The following PCDHGA9 variants were observed in gnomAD, a reference collection of about 807,000 sequenced individuals.
The protein encoded by PCDHGA9 is protocadherin gamma-A9.
In PCDHGA9, 37 loss-of-function variants were observed where a neutral mutation model predicts 62.5. The ratio of observed to expected loss-of-function variants is 0.59; its 90% CI spans 0.46 to 0.78. The LOEUF (loss-of-function observed/expected upper bound fraction) is 0.78, where lower values mean the gene tolerates loss of function less well. Among genes scored for constraint, PCDHGA9 ranks in the 30% least tolerant of loss-of-function variants. PCDHGA9 has a pLI of 0.00. For synonymous variants in PCDHGA9, 459 were observed against 484.6 expected, an observed-to-expected ratio of 0.95 and a Z score of 0.69; for missense variants, 1,138 against 1,166.2, an observed-to-expected ratio of 0.98 and a Z score of 0.35.
chr5:141,487,748 T>A lies in PCDHGA9; in HGVS notation c.2425-7059T>A, dbSNP rs1458153935. ...TGTCACCATTTTTGTAAGAGGTAACTATGTGGTAGACGCTGTGCTTTGTAA... is the reference window on the plus strand; with the variant it reads ...TGTCACCATTTTTGTAAGAGGTAACAATGTGGTAGACGCTGTGCTTTGTAA... On this transcript the variant is annotated intron_variant, in intron 1 of 3. Transcript: ENST00000573521. This position sits in a 1 kb window ranked among gnomAD's most constrained non-coding sequence, Gnocchi z 5.0. 6.4e-7 allele frequency: 1 copy of A among 1,557,554 alleles called. No homozygotes were observed. The highest frequency in any genetic ancestry group is 1.2e-5 in the South Asian group (1 of 84,814).
Position 141,476,489 on chromosome 5 carries a change from A to G in PCDHGA9, c.2425-18318A>G. ...GGAGCTGTTCAGCGTGGAAGTGGTGATCCAGGACATCAACGACAACAATCC... is the reference window on the plus strand; with the variant it reads ...GGAGCTGTTCAGCGTGGAAGTGGTGGTCCAGGACATCAACGACAACAATCC... On this transcript the variant is annotated intron_variant, in intron 1 of 3. Coordinates refer to ENST00000573521, the MANE Select transcript of PCDHGA9 (RefSeq NM_018921.3). The surrounding 1 kb of genome is among the most constrained non-coding windows in gnomAD (Gnocchi z 7.6). The G allele has an allele frequency of 6.2e-7, 1 of 1,613,928 alleles. No individual in the cohort carries two copies. Among genetic ancestry groups the G allele is most frequent in the Non-Finnish European group, 8.5e-7 (1 of 1,179,976 alleles).
intron 1 of PCDHGA9, chr5:141,409,609 C>T: frequency 1.2e-6 from 2 of 1,613,938 alleles, no homozygotes; most frequent in Non-Finnish European, 1.7e-6. Flanking sequence ...CGCCAGGAGC[C>T]TCCATTGCGC....
chr5:141,476,754 T>G lies in PCDHGA9; in HGVS notation c.2425-18053T>G. 1 of 1,613,926 alleles carries G rather than the reference T, an allele frequency of 6.2e-7. No individual in the cohort carries two copies. The highest frequency in any genetic ancestry group is 1.1e-5 in the South Asian group (1 of 91,084). On this transcript the variant is annotated intron_variant, in intron 1 of 3. Coordinates refer to ENST00000573521, the MANE Select transcript of PCDHGA9 (RefSeq NM_018921.3). The surrounding 1 kb of genome is among the most constrained non-coding windows in gnomAD (Gnocchi z 7.6). Reference sequence around the variant, plus strand: ...GAACGGGAGCCTAGTCTCCAGTTAGTGCTGACGGCGTTGGACGGAGGGACC... The same window carrying G: ...GAACGGGAGCCTAGTCTCCAGTTAGGGCTGACGGCGTTGGACGGAGGGACC...
chr5:141,444,695 CCT>C (rs2154560766), intron 1 of PCDHGA9, among the ~76,000 whole-genome samples: 1 of 152,134 alleles, frequency 6.6e-6, no homozygotes, highest in South Asian at 2.1e-4. Flanking sequence ...AAAATATTTT[CCT>C]CTTTCTGTTG....
chr5:141,422,450 G>C (rs748354292), intron 1 of PCDHGA9: 71 of 1,611,564 alleles, frequency 4.4e-5, no homozygotes, highest in Non-Finnish European at 5.9e-5. Flanking sequence ...TTGATAACAA[G>C]CAGAGTGCTG....
At chr5:141,499,025 G>A (rs561539084) in intron 2 of PCDHGA9, among the ~76,000 whole-genome samples, 4 of 140,712 alleles carry the variant, frequency 2.8e-5, no homozygotes, top group Admixed American at 1.4e-4. Context: ...AGGAAGGAAG[G>A]AAGAAAAGAA....
rs115565444 is a variant in PCDHGA9, at chr5:141,487,520, G to A, written c.2425-7287G>A. On this transcript the variant is annotated intron_variant, in intron 1 of 3. Transcript: ENST00000573521. This position sits in a 1 kb window ranked among gnomAD's most constrained non-coding sequence, Gnocchi z 5.0. ...CTTGGCTTCTGCACCCACTCGGAGT[G>A]ATAGCTTCATGATGGTGAAGTCACC... is the stretch of plus-strand genomic sequence containing the variant. The A allele has an allele frequency of 3.3e-4, 540 of 1,614,166 alleles. 6 individuals carry two copies. The East Asian group carries it at 8.7e-3, about 26-fold the overall frequency.
chr5:141,409,096 A>C, intron 1 of PCDHGA9: 1 of 1,614,074 alleles, frequency 6.2e-7, no homozygotes, highest in African/African-American at 1.3e-5. Context: ...ATGAGAAAAC[A>C]GGTATGATTA....
intron 1 of PCDHGA9, among the ~76,000 whole-genome samples, chr5:141,488,417 C>T (rs2099675171): frequency 6.6e-6 from 1 of 152,224 alleles, no homozygotes; most frequent in Non-Finnish European, 1.5e-5. Context: ...GCCAAGCCAT[C>T]CATGCTTGGC....
At chr5:141,445,046 G>A (rs181806844) in intron 1 of PCDHGA9, among the ~76,000 whole-genome samples, 1 of 152,248 alleles carries the variant, frequency 6.6e-6, no homozygotes, top group East Asian at 1.9e-4. Context: ...AGTTTTCAGT[G>A]TAGAGAGGTC....
chr5:141,418,452 A>C (rs2096259372), intron 1 of PCDHGA9: 5 of 1,614,024 alleles, frequency 3.1e-6, no homozygotes, highest in Non-Finnish European at 4.2e-6. Context: ...GTATTGCAGA[A>C]GACTCTGGAC....
intron 1 of PCDHGA9, chr5:141,419,008 G>T: frequency 6.2e-7 from 1 of 1,613,978 alleles, no homozygotes; most frequent in Non-Finnish European, 8.5e-7. Flanking sequence ...GGGAAGTCAG[G>T]TGTAGCTTAA....
At chr5:141,479,651 C>CAAA (rs931031810) in intron 1 of PCDHGA9, 2 of 152,124 alleles carry the variant, frequency 1.3e-5, no homozygotes, top group African/African-American at 2.4e-5. Flanking sequence ...ACAACAACAA[C>CAAA]AATCCCAGAA....
In PCDHGA9 at chr5:141,450,141, G is replaced by A. The variant is rs762961199; in HGVS notation, c.2425-44666G>A. On this transcript the variant is annotated intron_variant, in intron 1 of 3. Transcript: ENST00000573521. ...CCTGCCTTAGCCTCCTGAGTAGCTG[G>A]GACTACAGGCATGTGCCACCACACT... Among the ~76,000 whole-genome samples, 401 of 151,622 alleles carry A rather than the reference G, an allele frequency of 2.6e-3. 1 individual carries two copies. The highest frequency in any genetic ancestry group is 3.8e-3 in the Non-Finnish European group (260 of 67,912).
chr5:141,447,301 G>A (rs557269538), intron 1 of PCDHGA9, among the ~76,000 whole-genome samples: 39 of 152,060 alleles, frequency 2.6e-4, no homozygotes, highest in Non-Finnish European at 1.5e-4. Flanking sequence ...CACCACACCC[G>A]GCTAATTTTT....
chr5:141,457,949 C>G (rs2098933653), intron 1 of PCDHGA9, among the ~76,000 whole-genome samples: 1 of 152,192 alleles, frequency 6.6e-6, no homozygotes. Flanking sequence ...CTCTGCATGT[C>G]AAGCTTGATT....
chr5:141,500,430 C>T (rs2099800127), intron 2 of PCDHGA9, among the ~76,000 whole-genome samples: 1 of 151,676 alleles, frequency 6.6e-6, no homozygotes, highest in African/African-American at 2.4e-5. Context: ...AGGATGGTCT[C>T]GATCTCCTGA....
intron 3 of PCDHGA9, among the ~76,000 whole-genome samples, chr5:141,510,166 A>G (rs1280391099): frequency 6.6e-6 from 1 of 151,872 alleles, no homozygotes; most frequent in African/African-American, 2.4e-5. Flanking sequence ...TCAGCTACTC[A>G]GGAGGTTGAG....
chr5:141,431,435 GC>G lies in PCDHGA9; in HGVS notation c.2424+26060del. On this transcript the variant is annotated intron_variant, in intron 1 of 3. Coordinates refer to ENST00000573521, the MANE Select transcript of PCDHGA9 (RefSeq NM_018921.3). The surrounding 1 kb of genome is among the most constrained non-coding windows in gnomAD (Gnocchi z 4.8). The stretch of plus-strand genomic sequence containing the variant: ...GGGCGACCCGGTGCGCACAGGCACC[GC>G]GCGCATCCGCGTGATGGTTCTGGAT... 1.9e-6 allele frequency: 3 copies of G among 1,613,668 alleles called. No individual in the cohort carries two copies. The highest frequency in any genetic ancestry group is 2.5e-6 in the Non-Finnish European group (3 of 1,180,026).
Sources: gnomAD v4.1 joint callset for allele counts (sites outside exome capture counted in the v4.1 genomes callset) on GRCh38, gnomAD v4.1.1 for gene constraint, Gnocchi (gnomAD v3.1) non-coding constraint, MANE v1.5 for transcripts, NCBI Gene and HGNC (gene_info 2026-07-23, HGNC 2026-07-21) for gene names.